ELMO1: variants seen among roughly 807,000 people sequenced by gnomAD.
ELMO1 encodes engulfment and cell motility protein 1.
A neutral mutation model predicts 98.9 loss-of-function variants in ELMO1; 26 were observed. The observed-to-expected ratio is 0.26, with a 90% CI of 0.19 to 0.36. The LOEUF (loss-of-function observed/expected upper bound fraction) is 0.36. Among genes scored for constraint, ELMO1 ranks in the 10% least tolerant of loss-of-function variants. The pLI is 1.00. For synonymous variants in ELMO1, 346 were observed against 346.0 expected, an observed-to-expected ratio of 1.00 and a Z score of 0.00; for missense variants, 627 against 935.2, an observed-to-expected ratio of 0.67 and a Z score of 4.30.
chr7:37,005,692 CAAAAAA>C (rs71553094), intron 16 of ELMO1, among the ~76,000 whole-genome samples: 2 of 37,496 alleles, frequency 5.3e-5, no homozygotes, highest in African/African-American at 7.0e-5. Flanking sequence ...GACTCTGTCT[CAAAAAA>C]AAAAAAAAAA....
chr7:36,927,900 C>T (rs1196489645), intron 16 of ELMO1, among the ~76,000 whole-genome samples: 3 of 152,072 alleles, frequency 2.0e-5, no homozygotes. Context: ...TTTGGGAGTT[C>T]AAATATCAGT....
chr7:37,426,063 T>C (rs1166304447), intron 1 of ELMO1, among the ~76,000 whole-genome samples: 1 of 151,794 alleles, frequency 6.6e-6, no homozygotes, highest in Non-Finnish European at 1.5e-5. Context: ...CAGCTCTTTC[T>C]GGCTCTATGG....
At position 37,331,392 on chromosome 7, in the gene ELMO1, C is replaced by T. The variant is rs1583566210; in HGVS notation, c.78+11221G>A. ...AGAGACAGGGTTTCACTGTGTTAGC[C>T]AGGATGGTCTCGATCTCCTGACCTC... On this transcript the variant is annotated intron_variant, in intron 2 of 21. Transcript: ENST00000310758. Among the ~76,000 whole-genome samples the T allele has an allele frequency of 2.5e-5, 3 of 119,658 alleles. No individual in the cohort carries two copies. The East Asian group carries it at 8.2e-4, about 33-fold the overall frequency. The allele number at this position is 119,658 out of a possible 152,430, so 78.5% of individuals were successfully genotyped here.
At chr7:37,245,758 G>A (rs1323322877) in intron 6 of ELMO1, among the ~76,000 whole-genome samples, 2 of 152,084 alleles carry the variant, frequency 1.3e-5, no homozygotes, top group Non-Finnish European at 2.9e-5. Flanking sequence ...AGGAGATCTA[G>A]ATAGTTCTGG....
chr7:36,934,611 T>C (rs947906088), intron 16 of ELMO1, among the ~76,000 whole-genome samples: 2 of 152,242 alleles, frequency 1.3e-5, no homozygotes, highest in Non-Finnish European at 2.9e-5. Flanking sequence ...GCGCTTTTGA[T>C]GATTAGGAGA....
chr7:37,225,793 G>A lies in ELMO1; in HGVS notation c.550-763C>T, dbSNP rs546024575. 9.2e-5 allele frequency among the ~76,000 whole-genome samples: 14 copies of A among 152,196 alleles called. No individual in the cohort carries two copies. In the East Asian group the frequency reaches 1.9e-3, roughly 21 times the overall value. Reference sequence around the variant, plus strand: ...AAAATAGAGGTTAGAATAATGGATCGCAGTAATCCAAACACATGGGTACCA... The same window carrying A: ...AAAATAGAGGTTAGAATAATGGATCACAGTAATCCAAACACATGGGTACCA... On this transcript the variant is annotated intron_variant, in intron 8 of 21. Transcript: ENST00000310758.
intron 1 of ELMO1, among the ~76,000 whole-genome samples, chr7:37,444,464 C>T (rs1161779145): frequency 6.6e-6 from 1 of 152,164 alleles, no homozygotes; most frequent in Non-Finnish European, 1.5e-5. Context: ...TTTCTAGTTC[C>T]TCCAAGATGG....
At chr7:37,406,112 C>A (rs978409361) in intron 1 of ELMO1, among the ~76,000 whole-genome samples, 4 of 152,142 alleles carry the variant, frequency 2.6e-5, no homozygotes, top group Admixed American at 2.6e-4. Flanking sequence ...AGGGTTCATT[C>A]CATCATTCAT....
intron 6 of ELMO1, among the ~76,000 whole-genome samples, chr7:37,258,960 T>G (rs575279457): frequency 4.6e-5 from 7 of 151,854 alleles, no homozygotes; most frequent in African/African-American, 1.7e-4. Flanking sequence ...CTTGATGGAT[T>G]TCTATTTTGT....
intron 1 of ELMO1, among the ~76,000 whole-genome samples, chr7:37,345,283 G>C (rs1044810402): frequency 6.6e-6 from 1 of 152,156 alleles, no homozygotes; most frequent in Admixed American, 6.5e-5. Flanking sequence ...CTGGGATATA[G>C]CAACAAAGGA....
intron 13 of ELMO1, 81 bp downstream of exon 13, chr7:37,211,305 C>A (rs914666030): frequency 6.3e-7 from 1 of 1,599,626 alleles, no homozygotes; most frequent in East Asian, 2.2e-5. Flanking sequence ...ACCACACGCT[C>A]GGAAGAGACA....
chr7:37,377,549 T>C (rs1188181081), intron 1 of ELMO1, among the ~76,000 whole-genome samples: 1 of 152,054 alleles, frequency 6.6e-6, no homozygotes, highest in Non-Finnish European at 1.5e-5. Context: ...AGCAGGTCAC[T>C]GGGGAGAAGG....
intron 11 of ELMO1, among the ~76,000 whole-genome samples, chr7:37,214,568 A>G (rs1450973597): frequency 6.6e-6 from 1 of 152,060 alleles, no homozygotes; most frequent in East Asian, 1.9e-4. Flanking sequence ...AGCTAATTCA[A>G]GGAGGAGGGG....
At chr7:37,068,641 A>G (rs1266625015) in intron 15 of ELMO1, among the ~76,000 whole-genome samples, 1 of 152,232 alleles carries the variant, frequency 6.6e-6, no homozygotes, top group Non-Finnish European at 1.5e-5. Context: ...TCAGACTTAT[A>G]TAACTGAGAG....
chr7:37,302,278 G>T (rs1160269004), intron 4 of ELMO1, among the ~76,000 whole-genome samples: 1 of 152,192 alleles, frequency 6.6e-6, no homozygotes, highest in Non-Finnish European at 1.5e-5. Context: ...CAACAGGTGT[G>T]TGCCATGCAC....
intron 1 of ELMO1, among the ~76,000 whole-genome samples, chr7:37,390,217 G>A (rs1475071161): frequency 6.6e-6 from 1 of 152,248 alleles, no homozygotes; most frequent in Non-Finnish European, 1.5e-5. Context: ...CTGTCGCTAT[G>A]AGCATAAAGT....
chr7:36,897,329 T>TGA (rs1389286084), intron 16 of ELMO1, among the ~76,000 whole-genome samples: 3 of 138,706 alleles, frequency 2.2e-5, no homozygotes, highest in Non-Finnish European at 4.7e-5. Context: ...AACAGACGTG[T>TGA]GTGTGTGTGT....
At chr7:37,387,120 C>A (rs553212512) in intron 1 of ELMO1, among the ~76,000 whole-genome samples, 2 of 152,320 alleles carry the variant, frequency 1.3e-5, no homozygotes, top group South Asian at 4.1e-4. Flanking sequence ...AAGAAAGAAC[C>A]AGAGATGCAC....
intron 16 of ELMO1, among the ~76,000 whole-genome samples, chr7:36,987,911 T>G (rs1028234610): frequency 6.6e-6 from 1 of 152,048 alleles, no homozygotes; most frequent in African/African-American, 2.4e-5. Context: ...GCATGTGCCA[T>G]CATGCCTGGC....
Sources: allele counts gnomAD v4.1 joint callset (sites outside exome capture counted in the v4.1 genomes callset), GRCh38; gene constraint gnomAD v4.1.1; transcripts MANE v1.5; gene names NCBI Gene and HGNC (gene_info 2026-07-23, HGNC 2026-07-21).